Variants in DGKI observed in about 807,000 individuals in gnomAD.
DGKI encodes DAG kinase iota.
Under a neutral mutation model 147.5 loss-of-function variants are expected in DGKI, and 55 were observed. The ratio of observed to expected loss-of-function variants is 0.37; its 90% confidence interval spans 0.30 to 0.47. The LOEUF (loss-of-function observed/expected upper bound fraction) is 0.47, where lower values mean the gene tolerates loss of function less well. DGKI is among the 20% of genes least tolerant of loss of function. The pLI is 1.00. For synonymous variants in DGKI, 469 were observed against 477.1 expected (o/e 0.98, Z 0.22); for missense variants, 1,007 against 1,323.8 (o/e 0.76, Z 3.71).
intron 20 of DGKI, among the ~76,000 whole-genome samples, chr7:137,534,784 G>C (rs1817461605): frequency 6.6e-6 from 1 of 152,078 alleles, no homozygotes; most frequent in Non-Finnish European, 1.5e-5. Context: ...TATGTACTAA[G>C]TTATCTGTCC....
intron 3 of DGKI, among the ~76,000 whole-genome samples, chr7:137,670,726 G>T (rs549019675): frequency 6.6e-6 from 1 of 152,360 alleles, no homozygotes; most frequent in East Asian, 1.9e-4. Context: ...AACTCAGAGA[G>T]CGGGCTTTGC....
At chr7:137,681,360 A>G (rs1192231883) in intron 2 of DGKI, among the ~76,000 whole-genome samples, 1 of 152,252 alleles carries the variant, frequency 6.6e-6, no homozygotes, top group Non-Finnish European at 1.5e-5. Flanking sequence ...CTATGGGTTC[A>G]GACCCTAAAA....
At position 137,706,448 on chromosome 7, in the gene DGKI, T is replaced by G. The variant is rs1794025666; in HGVS notation, c.402-16446A>C. 4.0e-5 allele frequency among the ~76,000 whole-genome samples: 6 copies of G among 151,700 alleles called. No individual in the cohort carries two copies. The South Asian group carries it at 1.2e-3, about 31-fold the overall frequency. Reference sequence around the variant, plus strand: ...TTACCTTGAAGAGGAAATCAAAGACTGGGTGGTATACTGAAGTACCAAAAC... The same window carrying G: ...TTACCTTGAAGAGGAAATCAAAGACGGGGTGGTATACTGAAGTACCAAAAC... On this transcript the variant is annotated intron_variant, in intron 1 of 32. Coordinates refer to ENST00000614521, the MANE Select transcript of DGKI (RefSeq NM_001321708.2).
intron 3 of DGKI, among the ~76,000 whole-genome samples, chr7:137,670,554 A>G (rs189174498): frequency 2.0e-3 from 306 of 152,306 alleles, no homozygotes; most frequent in African/African-American, 7.0e-3. Flanking sequence ...TCCCTCTCTC[A>G]TATCCACTGA....
chr7:137,727,192 A>G (rs1406188343), intron 1 of DGKI, among the ~76,000 whole-genome samples: 1 of 152,092 alleles, frequency 6.6e-6, no homozygotes, highest in Admixed American at 6.5e-5. Context: ...TACAAAAGGG[A>G]GGAAAGGGGA....
At chr7:137,437,479 C>T (rs1335865546) in intron 28 of DGKI, among the ~76,000 whole-genome samples, 2 of 152,072 alleles carry the variant, frequency 1.3e-5, no homozygotes, top group South Asian at 2.1e-4. Context: ...AATTATAAAA[C>T]TCTATTCATA....
At chr7:137,691,751 CA>C (rs1198670515) in intron 1 of DGKI, among the ~76,000 whole-genome samples, 1 of 143,324 alleles carries the variant, frequency 7.0e-6, no homozygotes, top group East Asian at 2.2e-4. Flanking sequence ...AACCATTAAT[CA>C]ATTACCAAGT....
At chr7:137,835,137 T>G (rs1390575151) in intron 1 of DGKI, among the ~76,000 whole-genome samples, 1 of 152,228 alleles carries the variant, frequency 6.6e-6, no homozygotes, top group Non-Finnish European at 1.5e-5. Context: ...CTATACCATG[T>G]CATTTCAATA....
In DGKI at chr7:137,760,623, C is replaced by T. The variant is rs78376339; in HGVS notation, c.402-70621G>A. On this transcript the variant is annotated intron_variant, in intron 1 of 32. Transcript: ENST00000614521. ...AGTGATTGAAAATGAAGGTTCTACA[C>T]AGGCTCCAGAAATGGAGGAGAAAGG... Among the ~76,000 whole-genome samples the T allele has an allele frequency of 1.5e-4, 23 of 152,278 alleles. No homozygotes were observed. In the East Asian group the frequency reaches 4.1e-3, roughly 27 times the overall value.
At position 137,687,425 on chromosome 7, in the gene DGKI, A is replaced by T. The variant is rs147639516; in HGVS notation, c.510+2469T>A. ...TAATGGTAGAAGATGAGGGAATCAA[A>T]CAAGAGAGTGGAGGAGAGGGAATGG... On this transcript the variant is annotated intron_variant, in intron 2 of 32. Coordinates refer to ENST00000614521, the MANE Select transcript of DGKI (RefSeq NM_001321708.2). Among the ~76,000 whole-genome samples, 457 of 152,330 alleles carry T rather than the reference A, an allele frequency of 3.0e-3. 2 individuals are homozygous for T. The highest frequency in any genetic ancestry group is 0.011 in the African/African-American group (445 of 41,570).
In DGKI at chr7:137,792,291, C is replaced by T. The variant is rs189342149; in HGVS notation, c.401+54171G>A. 1.5e-3 allele frequency among the ~76,000 whole-genome samples: 232 copies of T among 152,254 alleles called. 2 individuals carry two copies. The highest frequency in any genetic ancestry group is 5.4e-3 in the African/African-American group (223 of 41,540). ...TATGAGAAATCAATAACTACTTTCCCCCAATCCTCCATTGGGGGATTATAT... is the reference window on the plus strand; with the variant it reads ...TATGAGAAATCAATAACTACTTTCCTCCAATCCTCCATTGGGGGATTATAT... On this transcript the variant is annotated intron_variant, in intron 1 of 32. Coordinates refer to ENST00000614521, the MANE Select transcript of DGKI (RefSeq NM_001321708.2).
At chr7:137,829,400 G>A (rs1798156974) in intron 1 of DGKI, among the ~76,000 whole-genome samples, 1 of 152,166 alleles carries the variant, frequency 6.6e-6, no homozygotes, top group South Asian at 2.1e-4. Context: ...CATCATTCAA[G>A]GTTATCATTC....
intron 3 of DGKI, among the ~76,000 whole-genome samples, chr7:137,658,572 C>G (rs1757060777): frequency 6.6e-6 from 1 of 152,184 alleles, no homozygotes; most frequent in African/African-American, 2.4e-5. Flanking sequence ...TTGCCAATAA[C>G]TCCTGTCCTA....
chr7:137,654,624 A>T, intron 5 of DGKI, 108 bp downstream of exon 5: 1 of 846,928 alleles, frequency 1.2e-6, no homozygotes, highest in East Asian at 2.5e-5. Context: ...TTGGCATGCA[A>T]CAGAAAGAGA....
At chr7:137,661,845 A>T (rs1041212026) in intron 3 of DGKI, among the ~76,000 whole-genome samples, 1 of 152,146 alleles carries the variant, frequency 6.6e-6, no homozygotes, top group Non-Finnish European at 1.5e-5. Context: ...TGCTTAGGAA[A>T]GTGGAGGGGA....
chr7:137,423,918 T>C (rs1304081093), intron 28 of DGKI, among the ~76,000 whole-genome samples: 2 of 152,238 alleles, frequency 1.3e-5, no homozygotes, highest in Non-Finnish European at 2.9e-5. Flanking sequence ...GTGCAGAATG[T>C]GCAGCTTTAC....
chr7:137,693,175 A>G (rs139917029), intron 1 of DGKI, among the ~76,000 whole-genome samples: 1,569 of 152,320 alleles, frequency 0.01, 39 homozygotes, highest in African/African-American at 0.035. Context: ...TTAAGAGTCT[A>G]GTAGAACTTG....
chr7:137,723,275 CTTTA>C (rs895126206), intron 1 of DGKI, among the ~76,000 whole-genome samples: 7 of 152,264 alleles, frequency 4.6e-5, no homozygotes, highest in Admixed American at 2.6e-4. Context: ...ACTAAAGTGA[CTTTA>C]TTCATTCATT....
rs141749557 is a variant in DGKI at position 137,719,765 on chromosome 7, G to T, written c.402-29763C>A. ...TTACTTTGTCATTTCTGTTACTCAG[G>T]CCTTTTTTTTTAAGGTTTTCTGCCA... On this transcript the variant is annotated intron_variant, in intron 1 of 32. Coordinates refer to ENST00000614521, the MANE Select transcript of DGKI (RefSeq NM_001321708.2). 5.6e-4 allele frequency among the ~76,000 whole-genome samples: 85 copies of T among 152,136 alleles called. No homozygotes were observed. The East Asian group carries it at 0.014, about 26-fold the overall frequency.
Sources: allele counts gnomAD v4.1 joint callset (sites outside exome capture counted in the v4.1 genomes callset), GRCh38; gene constraint gnomAD v4.1.1; transcripts MANE v1.5; gene names NCBI Gene and HGNC (gene_info 2026-07-23, HGNC 2026-07-21).